The following KLHL21 variants were observed in gnomAD, a reference collection of about 807,000 sequenced individuals.
The protein encoded by KLHL21 is kelch-like protein 21.
KLHL21 carries 42 observed loss-of-function variants against 44.1 expected under a neutral mutation model. The ratio of observed to expected loss-of-function variants is 0.95; its 90% confidence interval spans 0.74 to 1.23. The LOEUF (loss-of-function observed/expected upper bound fraction) is 1.23. Among genes scored for constraint, KLHL21 ranks in the 50% most tolerant of loss-of-function variants. KLHL21 has a pLI of 0.00. For synonymous variants in KLHL21, 524 were observed against 411.6 expected, an observed-to-expected ratio of 1.27 and a Z score of -3.31; for missense variants, 918 against 889.1, an observed-to-expected ratio of 1.03 and a Z score of -0.41.
At position 6,593,144 on chromosome 1, in the gene KLHL21, T is replaced by TGGCTC; in HGVS notation, c.*216_*220dup. The TGGCTC allele has an allele frequency of 1.9e-6, 1 of 528,294 alleles. No individual in the cohort carries two copies. Among genetic ancestry groups the TGGCTC allele is most frequent in the Non-Finnish European group, 3.4e-6 (1 of 297,908 alleles). The allele number at this position is 528,294 out of a possible 1,614,324, so 32.7% of individuals were successfully genotyped here. On this transcript the variant is annotated 3_prime_UTR_variant, in exon 4 of 4. Coordinates refer to ENST00000377658, the MANE Select transcript of KLHL21 (RefSeq NM_014851.4). Reference sequence around the variant, plus strand: ...CCAGAAACATGTGCTGGCAGGAAAGTGGCTCTTCCTCAACTGCAGGGAGGG... The same window carrying TGGCTC: ...CCAGAAACATGTGCTGGCAGGAAAGTGGCTCGGCTCTTCCTCAACTGCAGGGAGGG...
At chr1:6,601,095 C>T (rs900844035) in intron 1 of KLHL21, among the ~76,000 whole-genome samples, 1 of 152,112 alleles carries the variant, frequency 6.6e-6, no homozygotes, top group African/African-American at 2.4e-5. Flanking sequence ...CCTTCCTCAC[C>T]CCGACAAAGG....
At chr1:6,597,329 G>A (rs573211122) in intron 2 of KLHL21, among the ~76,000 whole-genome samples, 43 of 152,328 alleles carry the variant, frequency 2.8e-4, no homozygotes, top group African/African-American at 1.0e-3. Flanking sequence ...AGATGGGGGA[G>A]GGGAGGAGGA....
At chr1:6,600,234 C>T (rs1017316924) in intron 1 of KLHL21, among the ~76,000 whole-genome samples, 13 of 152,014 alleles carry the variant, frequency 8.6e-5, no homozygotes, top group Admixed American at 2.6e-4. Flanking sequence ...TTTGTACAGA[C>T]GGGGTTTCGC....
At chr1:6,593,922 C>T in intron 3 of KLHL21, 1 of 1,266,750 alleles carries the variant, frequency 7.9e-7, no homozygotes, top group East Asian at 3.0e-5. Context: ...TCGTGCCGAG[C>T]AGCGCTTCCT....
chr1:6,596,549 C>T (rs1640930226), intron 2 of KLHL21, among the ~76,000 whole-genome samples: 4 of 152,226 alleles, frequency 2.6e-5, no homozygotes, highest in Admixed American at 2.0e-4. Context: ...TGGCTGTGTG[C>T]CAAGAAAACT....
chr1:6,601,048 G>C (rs974599657), intron 1 of KLHL21, among the ~76,000 whole-genome samples: 31 of 152,184 alleles, frequency 2.0e-4, no homozygotes, highest in African/African-American at 6.5e-4. Context: ...CGCCTGCCTG[G>C]TGGGTTCTTT....
intron 1 of KLHL21, among the ~76,000 whole-genome samples, chr1:6,600,764 G>A (rs1641004983): frequency 2.6e-5 from 4 of 152,262 alleles, no homozygotes; most frequent in Admixed American, 2.6e-4. Context: ...CAGACTTTCA[G>A]AAGAGGGGAG....
In KLHL21 at chr1:6,593,562, AG is replaced by A; in HGVS notation, c.1596del (p.Tyr533MetfsTer78). 1 of 1,613,988 alleles carries A rather than the reference AG, an allele frequency of 6.2e-7. No homozygotes were observed. The highest frequency in any genetic ancestry group is 1.7e-5 in the Admixed American group (1 of 60,024). ...NTFELSDVVEAYDPETRAWSV... is the reference protein window; with the variant it reads ...NTFELSDVVEXYDPETRAWSV... ...CTCCACGCGCGAGTCTCTGGGTCAT[AG>A]GCCTCTACCACGTCCGAGAGTTCAA... On this transcript the variant is annotated frameshift_variant, in exon 4 of 4. Transcript: ENST00000377658. LOFTEE classifies it high-confidence loss of function.
At chr1:6,598,968 A>G (rs367991516) in intron 2 of KLHL21, 79 bp downstream of exon 2, 9 of 1,376,982 alleles carry the variant, frequency 6.5e-6, no homozygotes, top group African/African-American at 5.8e-5. Flanking sequence ...GAAAAGGGAG[A>G]ACAGCCATGA....
chr1:6,591,528 T>TG lies in KLHL21; in HGVS notation c.*1836dup, dbSNP rs1164654471. On this transcript the variant is annotated 3_prime_UTR_variant, in exon 4 of 4. Transcript: ENST00000377658. ...TTCCGTGGGTGCCCAGCTCAGTGCC[T>TG]GGAACGGTCAGGGATTGAGGGCGTA... 1 of 152,614 alleles carries TG rather than the reference T, an allele frequency of 6.6e-6. No homozygotes were observed. The highest frequency in any genetic ancestry group is 1.5e-5 in the Non-Finnish European group (1 of 68,330). 9.5% of individuals were successfully genotyped at this position (152,614 alleles called of 1,614,324 possible). A position where few individuals can be genotyped will look rare whatever the true frequency, so the allele number is the denominator to read the frequency against.
chr1:6,602,714 AG>A lies in KLHL21; in HGVS notation c.103del (p.Leu35TrpfsTer3). 6.6e-7 allele frequency: 1 copy of A among 1,513,306 alleles called. No homozygotes were observed. Among genetic ancestry groups the A allele is most frequent in the African/African-American group, 1.4e-5 (1 of 69,298 alleles). 93.7% of individuals were successfully genotyped at this position (1,513,306 alleles called of 1,614,324 possible). A position where few individuals can be genotyped will look rare whatever the true frequency, so the allele number is the denominator to read the frequency against. On this transcript the variant is annotated frameshift_variant, in exon 1 of 4. Coordinates refer to ENST00000377658, the MANE Select transcript of KLHL21 (RefSeq NM_014851.4). LOFTEE classifies it high-confidence loss of function. Reference protein sequence around the residue: ...LSQLRAERKFLDVTLEAAGGR... With the variant: ...LSQLRAERKFXDVTLEAAGGR... ...GCCCGCCGCCTCCAGGGTCACGTCC[AG>A]GAACTTGCGCTCGGCGCGCAGCTGG... is the stretch of plus-strand genomic sequence containing the variant.
intron 2 of KLHL21, among the ~76,000 whole-genome samples, chr1:6,595,993 G>A (rs926844368): frequency 6.6e-6 from 1 of 152,142 alleles, no homozygotes; most frequent in Non-Finnish European, 1.5e-5. Context: ...CCCCAACCCT[G>A]TCCTGTTCAC....
rs377276646 is a variant in KLHL21 at position 6,593,364 on chromosome 1, G to A, written c.*1C>T. ...GAGGCCCGTGCCGGGCCAGACTGGG[G>A]CTAGTGCAGCTCATCGGGGTCCCGC... On this transcript the variant is annotated 3_prime_UTR_variant, in exon 4 of 4. Coordinates refer to ENST00000377658, the MANE Select transcript of KLHL21 (RefSeq NM_014851.4). The A allele has an allele frequency of 1.4e-5, 22 of 1,585,298 alleles. No individual in the cohort carries two copies. The highest frequency in any genetic ancestry group is 4.0e-5 in the African/African-American group (3 of 74,276).
rs780978614 is a variant in KLHL21 at position 6,602,779 on chromosome 1, C to G, written c.39G>C (p.Ser13=). The G allele has an allele frequency of 1.2e-5, 18 of 1,479,182 alleles. No homozygotes were observed. Among genetic ancestry groups the G allele is most frequent in the Non-Finnish European group, 1.6e-5 (18 of 1,124,464 alleles). 91.6% of individuals were successfully genotyped at this position (1,479,182 alleles called of 1,614,324 possible). A position where few individuals can be genotyped will look rare whatever the true frequency, so the allele number is the denominator to read the frequency against. ...GCAGGCTCAGGGCGTGCGCGGGGTC[C>G]GAGAAGGGAAGCACGGCCAGGGGCG... ...RPAPLAVLPF[S]DPAHALSLLR... Residue 13 remains serine, a synonymous_variant, in exon 1 of 4, where the codon TCG becomes TCC. Coordinates refer to ENST00000377658, the MANE Select transcript of KLHL21 (RefSeq NM_014851.4).
At chr1:6,598,839 C>T (rs1460163160) in intron 2 of KLHL21, among the ~76,000 whole-genome samples, 5 of 152,180 alleles carry the variant, frequency 3.3e-5, no homozygotes, top group East Asian at 1.9e-4. Context: ...GCTGAGATTG[C>T]GCCACAGCAC....
chr1:6,602,101 C>A lies in KLHL21; in HGVS notation c.717G>T (p.Glu239Asp). The change falls in exon 1 of 4, where the codon GAG (glutamate) becomes GAT (aspartate). Residue 239 changes from glutamate to aspartate, a missense_variant. Glu to Asp is a conservative substitution (Grantham distance 45). Coordinates refer to ENST00000377658, the MANE Select transcript of KLHL21 (RefSeq NM_014851.4). ...GGCAGCGCGCCACCAGCGGCTCGGCCTCGACGTGCGCCAACAGGTAGAAGC... is the reference window on the plus strand; with the variant it reads ...GGCAGCGCGCCACCAGCGGCTCGGCATCGACGTGCGCCAACAGGTAGAAGC... ...VRRFYLLAHV[E>D]AEPLVARCPP... 1 of 1,474,442 alleles carries A rather than the reference C, an allele frequency of 6.8e-7. No homozygotes were observed. The highest frequency in any genetic ancestry group is 8.9e-7 in the Non-Finnish European group (1 of 1,118,622). 91.3% of individuals were successfully genotyped at this position (1,474,442 alleles called of 1,614,324 possible).
chr1:6,593,905 G>T (rs994617026), intron 3 of KLHL21: 16 of 1,291,642 alleles, frequency 1.2e-5, no homozygotes, highest in Admixed American at 3.5e-5. Context: ...GCCTCCCCGT[G>T]TGCAGGTCGT....
Position 6,602,562 on chromosome 1 carries a change from T to G in KLHL21, c.256A>C (p.Met86Leu). 6.5e-7 allele frequency: 1 copy of G among 1,535,776 alleles called. No individual in the cohort carries two copies. The highest frequency in any genetic ancestry group is 8.7e-7 in the Non-Finnish European group (1 of 1,146,206). ...RVRLHGVPPD[M>L]LQLLLDFSYT... is the part of the protein sequence containing the mutation. ...CTGAAGTCCAGCAGCAGCTGCAGCA[T>G]GTCGGGAGGCACTCCGTGCAGGCGC... The change falls in exon 1 of 4, where the codon ATG becomes CTG. Residue 86 changes from methionine to leucine, a missense_variant. Transcript: ENST00000377658.
In KLHL21 at chr1:6,593,512, G is replaced by T; in HGVS notation, c.1647C>A (p.Pro549=). ...AWSVVGRLPE[P]TFWHGSVSIF... is the part of the protein sequence containing the mutation. ...TGCTGACACTGCCATGCCAGAAGGT[G>T]GGTTCTGGGAGCCGCCCCACCACGC... The change falls in exon 4 of 4, where the codon CCC becomes CCA. Residue 549 remains proline, a synonymous_variant. Transcript: ENST00000377658. 1 of 1,613,860 alleles carries T rather than the reference G, an allele frequency of 6.2e-7. No individual in the cohort carries two copies. Among genetic ancestry groups the T allele is most frequent in the Non-Finnish European group, 8.5e-7 (1 of 1,180,022 alleles).
Sources: gnomAD v4.1 joint callset for allele counts (sites outside exome capture counted in the v4.1 genomes callset) on GRCh38, gnomAD v4.1.1 for gene constraint, MANE v1.5 for transcripts, NCBI Gene and HGNC (gene_info 2026-07-23, HGNC 2026-07-21) for gene names.